The following PPARGC1A variants were observed in gnomAD, a reference collection of about 807,000 sequenced individuals.
PPARGC1A encodes the protein PPARG coactivator 1 alpha.
Under a neutral mutation model 88.7 loss-of-function variants are expected in PPARGC1A, and 25 were observed. The observed-to-expected ratio is 0.28, with a 90% confidence interval of 0.21 to 0.39. The LOEUF is 0.39. Ranked by LOEUF, PPARGC1A falls within the 10% of genes least tolerant of loss-of-function variation. The pLI, the probability that PPARGC1A is intolerant of heterozygous loss-of-function variation, is 1.00. For missense variants in PPARGC1A, 880 were observed against 968.7 expected (o/e 0.91, Z 1.22); for synonymous variants, 363 against 355.6 (o/e 1.02, Z -0.24).
At chr4:23,954,647 A>G in the PPARGC1A span, among the ~76,000 whole-genome samples, 7 of 152,020 alleles carry the variant, frequency 4.6e-5, no homozygotes, top group Non-Finnish European at 1.0e-4. Flanking sequence ...TAAGATGGAG[A>G]ATAAGAATAT....
At chr4:24,132,682 C>T in the PPARGC1A span, among the ~76,000 whole-genome samples, 4 of 152,148 alleles carry the variant, frequency 2.6e-5, no homozygotes, top group East Asian at 1.9e-4. Flanking sequence ...AACCTTCCTG[C>T]GATTTAAAGA....
the PPARGC1A span, among the ~76,000 whole-genome samples, chr4:23,976,761 G>C: frequency 9.2e-5 from 14 of 152,144 alleles, no homozygotes; most frequent in African/African-American, 3.1e-4. Flanking sequence ...GAAGCAAAGG[G>C]GACAGGCCTC....
At chr4:24,278,524 C>A in the PPARGC1A span, among the ~76,000 whole-genome samples, 3 of 152,246 alleles carry the variant, frequency 2.0e-5, no homozygotes, top group East Asian at 5.8e-4. Context: ...AGGCTACACA[C>A]AAGAAAAAAC....
chr4:23,990,210 TTATA>T, the PPARGC1A span, among the ~76,000 whole-genome samples: 1 of 149,414 alleles, frequency 6.7e-6, no homozygotes. Context: ...ACATCATATA[TTATA>T]TATATGATAA....
chr4:23,938,729 G>A, the PPARGC1A span, among the ~76,000 whole-genome samples: 1 of 152,210 alleles, frequency 6.6e-6, no homozygotes, highest in Non-Finnish European at 1.5e-5. Flanking sequence ...GGAGGTTTGA[G>A]CATGAAAATT....
At chr4:23,922,202 TG>T in the PPARGC1A span, among the ~76,000 whole-genome samples, 1 of 152,166 alleles carries the variant, frequency 6.6e-6, no homozygotes, top group African/African-American at 2.4e-5. Context: ...TCTAATGGAC[TG>T]GGTGCTTGGC....
At chr4:24,471,204 G>A in the PPARGC1A span, among the ~76,000 whole-genome samples, 1 of 151,862 alleles carries the variant, frequency 6.6e-6, no homozygotes, top group Non-Finnish European at 1.5e-5. The surrounding 1 kb of genome is among the most constrained non-coding windows in gnomAD (Gnocchi z 5.4). Context: ...CGCGGGGCCC[G>A]GGAATCCCCG....
At chr4:24,193,793 G>A in the PPARGC1A span, among the ~76,000 whole-genome samples, 1 of 152,136 alleles carries the variant, frequency 6.6e-6, no homozygotes, top group Admixed American at 6.6e-5. Flanking sequence ...GTGCTCCAGA[G>A]TCAAGCACAG....
the PPARGC1A span, among the ~76,000 whole-genome samples, chr4:24,137,302 G>A: frequency 1.3e-5 from 2 of 151,794 alleles, no homozygotes; most frequent in Non-Finnish European, 2.9e-5. Context: ...AAACAACCCT[G>A]CCAACACCTT....
chr4:24,032,287 G>T, the PPARGC1A span, among the ~76,000 whole-genome samples: 14 of 152,212 alleles, frequency 9.2e-5, no homozygotes, highest in Non-Finnish European at 1.9e-4. Context: ...AGGGGCACAA[G>T]TGTGCCAAGG....
At chr4:23,965,696 C>A in the PPARGC1A span, among the ~76,000 whole-genome samples, 1 of 152,162 alleles carries the variant, frequency 6.6e-6, no homozygotes, top group Non-Finnish European at 1.5e-5. Context: ...TCTAGAAATC[C>A]TCTGCCTTCT....
At chr4:23,869,177 G>C (rs59349316) in intron 2 of PPARGC1A, among the ~76,000 whole-genome samples, 11,009 of 152,184 alleles carry the variant, frequency 0.072, 705 homozygotes, top group African/African-American at 0.17. Context: ...CAGGGTCATG[G>C]CTGCCTGGCT....
the PPARGC1A span, among the ~76,000 whole-genome samples, chr4:24,228,539 G>A: frequency 1.4e-4 from 22 of 152,008 alleles, no homozygotes; most frequent in Admixed American, 6.6e-5. Context: ...CTAACTACTG[G>A]GTACTATGCT....
chr4:24,457,431 C>G, the PPARGC1A span, among the ~76,000 whole-genome samples: 2 of 152,154 alleles, frequency 1.3e-5, no homozygotes, highest in South Asian at 2.1e-4. Flanking sequence ...AGATTTCTAG[C>G]CTGGGTCCAA....
chr4:24,410,874 G>T, the PPARGC1A span, among the ~76,000 whole-genome samples: 4 of 152,082 alleles, frequency 2.6e-5, no homozygotes, highest in Admixed American at 1.3e-4. Flanking sequence ...CTGCACTGTC[G>T]GCTTCCCTAC....
the PPARGC1A span, among the ~76,000 whole-genome samples, chr4:24,243,868 C>T: frequency 6.6e-6 from 1 of 152,162 alleles, no homozygotes. Context: ...CCTAAGAAAA[C>T]AGACTTAACA....
chr4:23,979,983 T>C, the PPARGC1A span, among the ~76,000 whole-genome samples: 2 of 152,020 alleles, frequency 1.3e-5, no homozygotes, highest in Non-Finnish European at 2.9e-5. Flanking sequence ...AGGGGGTAAT[T>C]AGGGGAATTA....
chr4:24,322,457 G>C, the PPARGC1A span, among the ~76,000 whole-genome samples: 5 of 152,156 alleles, frequency 3.3e-5, no homozygotes, highest in Non-Finnish European at 7.3e-5. Context: ...TCCTAGCTGA[G>C]TTGTTTCTAT....
the PPARGC1A span, among the ~76,000 whole-genome samples, chr4:24,349,775 G>C: frequency 6.6e-6 from 1 of 152,188 alleles, no homozygotes; most frequent in Admixed American, 6.5e-5. Flanking sequence ...GTCCTGTGAA[G>C]TCTGCACGCC....
Sources: gnomAD v4.1 joint callset for allele counts (sites outside exome capture counted in the v4.1 genomes callset) on GRCh38, gnomAD v4.1.1 for gene constraint, Gnocchi (gnomAD v3.1) non-coding constraint, MANE v1.5 for transcripts, NCBI Gene and HGNC (gene_info 2026-07-23, HGNC 2026-07-21) for gene names.